Variants in HERC2 observed in about 807,000 individuals in gnomAD.
HERC2 encodes the protein HECT and RLD domain containing E3 ubiquitin protein ligase 2.
HERC2 carries 102 observed loss-of-function variants against 537.7 expected under a neutral mutation model. The observed-to-expected ratio is 0.19, with a 90% confidence interval of 0.16 to 0.22. The LOEUF (loss-of-function observed/expected upper bound fraction) is 0.22, where lower values mean the gene tolerates loss of function less well. Ranked by LOEUF, HERC2 falls within the 10% of genes least tolerant of loss-of-function variation. The pLI is 1.00. For synonymous variants in HERC2, 2,224 were observed against 2,466.2 expected (o/e 0.90, Z 2.91); for missense variants, 4,236 against 6,198.2 (o/e 0.68, Z 10.63).
chr15:28,121,802 C>G (rs1330025628), intron 85 of HERC2, among the ~76,000 whole-genome samples: 1 of 152,248 alleles, frequency 6.6e-6, no homozygotes, highest in African/African-American at 2.4e-5. Context: ...GCCAAGCAAG[C>G]CCACCCGTGG....
intron 56 of HERC2, among the ~76,000 whole-genome samples, chr15:28,184,498 T>G (rs1250869064): frequency 6.6e-6 from 1 of 152,300 alleles, no homozygotes; most frequent in Non-Finnish European, 1.5e-5. Flanking sequence ...TATATTCAAT[T>G]ACACAAAAAT....
chr15:28,162,081 G>A (rs1400022521), intron 69 of HERC2, among the ~76,000 whole-genome samples: 1 of 152,088 alleles, frequency 6.6e-6, no homozygotes, highest in Non-Finnish European at 1.5e-5. Context: ...GTAATCCCAA[G>A]CACTTTGGGA....
chr15:28,269,390 T>C lies in HERC2; in HGVS notation c.1304A>G (p.Tyr435Cys). The C allele has an allele frequency of 4.3e-6, 7 of 1,614,198 alleles. No individual in the cohort carries two copies. The highest frequency in any genetic ancestry group is 5.1e-6 in the Non-Finnish European group (6 of 1,180,024). Reference sequence around the variant, plus strand: ...GATTGGACCAATCACATTGGCATAGTATTTCCATCCTATTAACCCCCAACC... The same window carrying C: ...GATTGGACCAATCACATTGGCATAGCATTTCCATCCTATTAACCCCCAACC... ...VIGWGLIGWK[Y>C]YANVIGPIQC... Residue 435 changes from tyrosine (Y) to cysteine (C), a missense_variant, in exon 11 of 93, where the codon TAC (tyrosine) becomes TGC (cysteine). Tyr to Cys is a radical substitution (Grantham distance 194). Coordinates refer to ENST00000261609, the MANE Select transcript of HERC2 (RefSeq NM_004667.6).
At position 28,272,150 on chromosome 15, in the gene HERC2, G is replaced by C. The variant is rs2075747868; in HGVS notation, c.1083+65C>G. The C allele has an allele frequency of 3.7e-5, 53 of 1,415,932 alleles. No homozygotes were observed. In the South Asian group the frequency reaches 7.1e-4, roughly 19 times the overall value. 87.7% of individuals were successfully genotyped at this position (1,415,932 alleles called of 1,614,324 possible). On this transcript the variant is annotated intron_variant, in intron 9 of 92. Transcript: ENST00000261609. ...AACACTGCCGTTGACATGCATGCTA[G>C]TCTTGCTTTAAAAGTAACTAGACTC...
intron 86 of HERC2, among the ~76,000 whole-genome samples, chr15:28,118,869 C>T (rs114471411): frequency 0.01 from 1,551 of 152,350 alleles, 23 homozygotes; most frequent in African/African-American, 0.035. Context: ...CTACCCTGAA[C>T]GGGAAGGAGC....
chr15:28,152,009 G>A (rs1313555422), intron 70 of HERC2, among the ~76,000 whole-genome samples: 1 of 152,206 alleles, frequency 6.6e-6, no homozygotes, highest in East Asian at 1.9e-4. Context: ...AGCCTCGGGT[G>A]CTAATAAGCC....
intron 12 of HERC2, among the ~76,000 whole-genome samples, chr15:28,266,447 G>A (rs2075570057): frequency 6.6e-6 from 1 of 152,080 alleles, no homozygotes; most frequent in Non-Finnish European, 1.5e-5. Flanking sequence ...CCTGGGAGGA[G>A]GAGGTTGCAG....
intron 55 of HERC2, among the ~76,000 whole-genome samples, chr15:28,189,751 A>G (rs1290606512): frequency 2.0e-5 from 3 of 152,244 alleles, no homozygotes; most frequent in African/African-American, 7.2e-5. Flanking sequence ...CACAAAGTAT[A>G]CATGTAACAA....
At position 28,318,873 on chromosome 15, in the gene HERC2, C is replaced by T. The variant is rs2077159519; in HGVS notation, c.72+2489G>A. 4.6e-5 allele frequency among the ~76,000 whole-genome samples: 7 copies of T among 150,830 alleles called. No homozygotes were observed. The South Asian group carries it at 1.3e-3, about 28-fold the overall frequency. On this transcript the variant is annotated intron_variant, in intron 2 of 92. Coordinates refer to ENST00000261609, the MANE Select transcript of HERC2 (RefSeq NM_004667.6). ...CTTTTAAGGGCATTTCAAACAAAAACAGCTGTGGAAAACAGATCGGTTAAA... is the reference window on the plus strand; with the variant it reads ...CTTTTAAGGGCATTTCAAACAAAAATAGCTGTGGAAAACAGATCGGTTAAA...
chr15:28,320,086 T>C (rs2077191257), intron 2 of HERC2: 1 of 151,610 alleles, frequency 6.6e-6, no homozygotes, highest in African/African-American at 2.4e-5. Context: ...TATGTAACAT[T>C]ACACTATGAA....
At chr15:28,163,876 T>C (rs563644026) in intron 68 of HERC2, among the ~76,000 whole-genome samples, 4 of 152,308 alleles carry the variant, frequency 2.6e-5, no homozygotes, top group East Asian at 3.9e-4. Flanking sequence ...TACCACATCT[T>C]GATCCTTCAA....
chr15:28,321,711 G>A (rs1460632864), intron 1 of HERC2, among the ~76,000 whole-genome samples: 6 of 127,656 alleles, frequency 4.7e-5, no homozygotes, highest in Non-Finnish European at 9.2e-5. Context: ...GAGACCTTGA[G>A]AATGGACGGT....
intron 2 of HERC2, among the ~76,000 whole-genome samples, chr15:28,308,979 C>G (rs1422151917): frequency 6.6e-6 from 1 of 152,216 alleles, no homozygotes; most frequent in African/African-American, 2.4e-5. Flanking sequence ...CATCAATATT[C>G]ATCAGAGACA....
intron 3 of HERC2, among the ~76,000 whole-genome samples, chr15:28,298,351 C>CA (rs1348726347): frequency 6.9e-6 from 1 of 145,776 alleles, no homozygotes; most frequent in African/African-American, 2.5e-5. Flanking sequence ...GACGGGGTTT[C>CA]ACCATGTTGG....
chr15:28,214,895 C>T (rs2140452616), intron 39 of HERC2, 93 bp from the exon 40 acceptor site: 5 of 1,078,168 alleles, frequency 4.6e-6, no homozygotes, highest in African/African-American at 3.2e-5. Context: ...TTTTTTGAGA[C>T]AGAGTCTCAC....
chr15:28,259,318 C>A lies in HERC2; in HGVS notation c.2316+1459G>T, dbSNP rs558136706. 2.0e-5 allele frequency among the ~76,000 whole-genome samples: 3 copies of A among 152,066 alleles called. No homozygotes were observed. The South Asian group carries it at 6.2e-4, about 32-fold the overall frequency. On this transcript the variant is annotated intron_variant, in intron 16 of 92. Transcript: ENST00000261609. ...CCATGTTAGCCAGGCTGGTCTCAAA[C>A]TCCTGACCTCAGGTGATCCACCCAT... is the stretch of plus-strand genomic sequence containing the variant.
chr15:28,311,361 G>A (rs1258667281), intron 2 of HERC2, among the ~76,000 whole-genome samples: 10 of 152,336 alleles, frequency 6.6e-5, no homozygotes, highest in South Asian at 2.1e-4. Flanking sequence ...CTACTCAGGG[G>A]GCTGAGGTGG....
chr15:28,187,305 T>C (rs536259825), intron 55 of HERC2, among the ~76,000 whole-genome samples: 79 of 152,212 alleles, frequency 5.2e-4, no homozygotes, highest in African/African-American at 1.7e-3. Flanking sequence ...TATATATCAC[T>C]GAATTAAGGA....
At chr15:28,280,912 A>C (rs1042336074) in intron 4 of HERC2, among the ~76,000 whole-genome samples, 1 of 148,914 alleles carries the variant, frequency 6.7e-6, no homozygotes, top group Admixed American at 6.7e-5. Context: ...TCTGTCTCCC[A>C]AAAAAAAAAG....
Sources: gnomAD v4.1 joint callset for allele counts (sites outside exome capture counted in the v4.1 genomes callset) on GRCh38, gnomAD v4.1.1 for gene constraint, MANE v1.5 for transcripts, NCBI Gene and HGNC (gene_info 2026-07-23, HGNC 2026-07-21) for gene names.